PLD5: variants seen among roughly 807,000 people sequenced by gnomAD.
The protein encoded by PLD5 is inactive phospholipase D5.
Under a neutral mutation model 61.1 loss-of-function variants are expected in PLD5, and 36 were observed. The ratio of observed to expected loss-of-function variants is 0.59; its 90% confidence interval spans 0.45 to 0.78. The LOEUF (loss-of-function observed/expected upper bound fraction) is 0.78, where lower values mean the gene tolerates loss of function less well. PLD5 is among the 30% of genes least tolerant of loss of function. PLD5 has a pLI of 0.00. For synonymous variants in PLD5, 243 were observed against 242.8 expected (o/e 1.00, Z -0.01); for missense variants, 515 against 644.4 (o/e 0.80, Z 2.17).
intron 1 of PLD5, among the ~76,000 whole-genome samples, chr1:242,446,561 C>T (rs3856235): frequency 0.038 from 5,829 of 151,998 alleles, 335 homozygotes; most frequent in African/African-American, 0.12. Flanking sequence ...GCCTGAGTGA[C>T]GGAATGAGAT....
chr1:242,522,873 T>C (rs756497814), intron 1 of PLD5, among the ~76,000 whole-genome samples: 74 of 152,342 alleles, frequency 4.9e-4, no homozygotes, highest in Admixed American at 2.3e-3. Context: ...AAAATAGTGC[T>C]GTTATCCAAC....
At chr1:242,509,309 G>A (rs962830226) in intron 1 of PLD5, among the ~76,000 whole-genome samples, 4 of 152,060 alleles carry the variant, frequency 2.6e-5, no homozygotes, top group Admixed American at 6.5e-5. Flanking sequence ...AACCCAGGAG[G>A]TGGAGGTTTC....
chr1:242,250,795 A>G (rs878997829), intron 4 of PLD5, among the ~76,000 whole-genome samples: 1 of 152,188 alleles, frequency 6.6e-6, no homozygotes, highest in Non-Finnish European at 1.5e-5. Context: ...CATAGTTAAC[A>G]TTGGAGTCAG....
chr1:242,257,077 TATCTATC>T (rs1489215898), intron 4 of PLD5, among the ~76,000 whole-genome samples: 3 of 151,030 alleles, frequency 2.0e-5, no homozygotes, highest in African/African-American at 7.3e-5. Context: ...TCTATCTATC[TATCTATC>T]ATTTATCTAT....
At chr1:242,517,278 T>A (rs1214999703) in intron 1 of PLD5, among the ~76,000 whole-genome samples, 1 of 152,212 alleles carries the variant, frequency 6.6e-6, no homozygotes, top group East Asian at 1.9e-4. Context: ...ACTCACAATC[T>A]GCACAGATAA....
At position 242,085,486 on chromosome 1, in the gene PLD5, C is replaced by T. The variant is rs1322255204; in HGVS notation, c.*4368G>A. 2.6e-5 allele frequency: 4 copies of T among 152,146 alleles called. No homozygotes were observed. Among genetic ancestry groups the T allele is most frequent in the Admixed American group, 6.5e-5 (1 of 15,282 alleles). 9.4% of individuals were successfully genotyped at this position (152,146 alleles called of 1,614,324 possible). On this transcript the variant is annotated 3_prime_UTR_variant, in exon 10 of 10. Transcript: ENST00000536534. Reference sequence around the variant, plus strand: ...GATGTCAGGGCTATTCAAAAGCCTCCGTCCATTTAAGTCAATAAGGTGAAA... The same window carrying T: ...GATGTCAGGGCTATTCAAAAGCCTCTGTCCATTTAAGTCAATAAGGTGAAA...
At chr1:242,242,631 T>C (rs1672127532) in intron 4 of PLD5, among the ~76,000 whole-genome samples, 1 of 152,220 alleles carries the variant, frequency 6.6e-6, no homozygotes. Flanking sequence ...TCCACTTTTC[T>C]GTGTCTCAGT....
At chr1:242,174,605 T>C (rs1260121033) in intron 5 of PLD5, among the ~76,000 whole-genome samples, 2 of 152,160 alleles carry the variant, frequency 1.3e-5, no homozygotes, top group Non-Finnish European at 2.9e-5. Context: ...CGCATGTATG[T>C]TTACTGTGGC....
At chr1:242,163,487 T>C (rs888959674) in intron 5 of PLD5, among the ~76,000 whole-genome samples, 2 of 152,020 alleles carry the variant, frequency 1.3e-5, no homozygotes, top group African/African-American at 4.8e-5. Flanking sequence ...AGAAATCCTG[T>C]GTGGATTTTA....
rs183787169 is a variant in PLD5 at position 242,131,229 on chromosome 1, C to T, written c.736-6564G>A. 4.5e-3 allele frequency among the ~76,000 whole-genome samples: 691 copies of T among 152,242 alleles called. 6 individuals are homozygous for T. The highest frequency in any genetic ancestry group is 5.3e-3 in the Non-Finnish European group (359 of 68,006). Reference sequence around the variant, plus strand: ...GCTGAGGCAGGAGAATTGCTTGAACCTGGGAGGCAGAGGTTGCAGTGAACC... The same window carrying T: ...GCTGAGGCAGGAGAATTGCTTGAACTTGGGAGGCAGAGGTTGCAGTGAACC... On this transcript the variant is annotated intron_variant, in intron 5 of 9. Coordinates refer to ENST00000536534, the MANE Select transcript of PLD5 (RefSeq NM_001372062.1).
intron 1 of PLD5, among the ~76,000 whole-genome samples, chr1:242,393,682 G>C (rs200281858): frequency 9.9e-6 from 1 of 100,648 alleles, no homozygotes; most frequent in Admixed American, 1.2e-4. Flanking sequence ...GAGTATATAT[G>C]TGTATATATA....
At chr1:242,313,454 T>C (rs908739389) in intron 2 of PLD5, among the ~76,000 whole-genome samples, 1 of 152,214 alleles carries the variant, frequency 6.6e-6, no homozygotes, top group African/African-American at 2.4e-5. Flanking sequence ...TCATTACCTA[T>C]CTAAGGTCTA....
At chr1:242,155,141 T>A (rs1413150758) in intron 5 of PLD5, among the ~76,000 whole-genome samples, 1 of 152,190 alleles carries the variant, frequency 6.6e-6, no homozygotes, top group Non-Finnish European at 1.5e-5. Context: ...TGCGTAGAGC[T>A]GTTTATAGTA....
chr1:242,507,272 C>T (rs1361969986), intron 1 of PLD5, among the ~76,000 whole-genome samples: 1 of 152,150 alleles, frequency 6.6e-6, no homozygotes, highest in Non-Finnish European at 1.5e-5. Flanking sequence ...AAATTTTTTA[C>T]CAGCAACCCT....
intron 2 of PLD5, among the ~76,000 whole-genome samples, chr1:242,306,865 T>C (rs1347997186): frequency 6.6e-6 from 1 of 152,166 alleles, no homozygotes; most frequent in African/African-American, 2.4e-5. Flanking sequence ...CTAAACCCAT[T>C]CCATGAAACA....
chr1:242,199,741 C>T (rs1668867399), intron 5 of PLD5, among the ~76,000 whole-genome samples: 1 of 152,174 alleles, frequency 6.6e-6, no homozygotes, highest in South Asian at 2.1e-4. Flanking sequence ...TATTTGCCTC[C>T]CACTTATGAG....
intron 1 of PLD5, among the ~76,000 whole-genome samples, chr1:242,488,694 G>T (rs905382891): frequency 2.6e-5 from 4 of 152,262 alleles, no homozygotes; most frequent in Admixed American, 1.3e-4. Context: ...CCCATGAAAT[G>T]TACAACACAA....
intron 2 of PLD5, among the ~76,000 whole-genome samples, chr1:242,326,026 T>A (rs1435976840): frequency 6.6e-6 from 1 of 152,150 alleles, no homozygotes; most frequent in African/African-American, 2.4e-5. Flanking sequence ...TAGTTGGGAC[T>A]ACAGGCATGT....
intron 1 of PLD5, among the ~76,000 whole-genome samples, chr1:242,433,391 C>T (rs1330824571): frequency 1.3e-5 from 2 of 152,168 alleles, no homozygotes; most frequent in African/African-American, 4.8e-5. Flanking sequence ...CCTGGGAACT[C>T]ATTTAATCTT....
Sources: allele counts gnomAD v4.1 joint callset (sites outside exome capture counted in the v4.1 genomes callset), GRCh38; gene constraint gnomAD v4.1.1; transcripts MANE v1.5; gene names NCBI Gene and HGNC (gene_info 2026-07-23, HGNC 2026-07-21).